The following TRIO variants were observed in gnomAD, a reference collection of about 807,000 sequenced individuals.
TRIO encodes trio Rho guanine nucleotide exchange factor.
A neutral mutation model predicts 351.9 loss-of-function variants in TRIO; 58 were observed. The ratio of observed to expected loss-of-function variants is 0.16; its 90% CI spans 0.13 to 0.21. The LOEUF is 0.21. Among genes scored for constraint, TRIO ranks in the 10% least tolerant of loss-of-function variants. The pLI, the probability that TRIO is intolerant of heterozygous loss-of-function variation, is 1.00. For synonymous variants in TRIO, 1,758 were observed against 1,595.7 expected, an observed-to-expected ratio of 1.10 and a Z score of -2.42; for missense variants, 3,201 against 4,027.8, an observed-to-expected ratio of 0.79 and a Z score of 5.56.
Position 14,160,467 on chromosome 5 carries a change from T to C in TRIO, c.157+16585T>C, listed in dbSNP as rs557475363. On this transcript the variant is annotated intron_variant, in intron 1 of 56. Transcript: ENST00000344204. ...TGAGCTGTTTATCCCTTGAGTAACGTCAACATGCCAGGTGCCATACAGCTG... is the reference window on the plus strand; with the variant it reads ...TGAGCTGTTTATCCCTTGAGTAACGCCAACATGCCAGGTGCCATACAGCTG... 2.6e-5 allele frequency among the ~76,000 whole-genome samples: 4 copies of C among 152,340 alleles called. No homozygotes were observed. In the South Asian group the frequency reaches 8.3e-4, roughly 32 times the overall value.
intron 1 of TRIO, among the ~76,000 whole-genome samples, chr5:14,144,907 C>T (rs905418515): frequency 7.1e-6 from 1 of 140,336 alleles, no homozygotes; most frequent in Non-Finnish European, 1.5e-5. Context: ...GAGGAGGAGG[C>T]GGCGGCGGCG....
At chr5:14,249,398 G>A (rs1049027521) in intron 1 of TRIO, among the ~76,000 whole-genome samples, 2 of 152,180 alleles carry the variant, frequency 1.3e-5, no homozygotes, top group African/African-American at 4.8e-5. Flanking sequence ...GTGGAGTGGG[G>A]GAGGGAGGGA....
chr5:14,485,616 C>T (rs1230964187), intron 47 of TRIO, among the ~76,000 whole-genome samples: 1 of 152,078 alleles, frequency 6.6e-6, no homozygotes, highest in East Asian at 1.9e-4. Flanking sequence ...GAGGAGTTTG[C>T]GAGAACACGA....
Position 14,351,964 on chromosome 5 carries a change from A to G in TRIO, c.2047-6214A>G, listed in dbSNP as rs143183570. ...TGTGGCGGGGTCTCCCTTTCCAGGT[A>G]GTGAGGAGGGGCCTTTTCATCTCAA... is the stretch of plus-strand genomic sequence containing the variant. On this transcript the variant is annotated intron_variant, in intron 11 of 56. Transcript: ENST00000344204. Among the ~76,000 whole-genome samples, 24 of 152,286 alleles carry G rather than the reference A, an allele frequency of 1.6e-4. No homozygotes were observed. In the East Asian group the frequency reaches 4.6e-3, roughly 29 times the overall value.
At chr5:14,502,236 A>G (rs79113516) in intron 53 of TRIO, among the ~76,000 whole-genome samples, 1,865 of 152,314 alleles carry the variant, frequency 0.012, 35 homozygotes, top group South Asian at 0.037. Context: ...GAGGCCACAT[A>G]TGCAAGTTTA....
intron 11 of TRIO, among the ~76,000 whole-genome samples, chr5:14,339,739 T>C (rs1741767674): frequency 6.6e-6 from 1 of 152,186 alleles, no homozygotes; most frequent in African/African-American, 2.4e-5. Context: ...GATTTGTCTT[T>C]CCCTGACCAG....
At chr5:14,222,276 T>G (rs554214682) in intron 1 of TRIO, among the ~76,000 whole-genome samples, 1 of 152,258 alleles carries the variant, frequency 6.6e-6, no homozygotes, top group East Asian at 1.9e-4. Flanking sequence ...AACATAATTT[T>G]TATATGCACT....
At chr5:14,314,575 G>A (rs1048602691) in intron 8 of TRIO, among the ~76,000 whole-genome samples, 1 of 152,182 alleles carries the variant, frequency 6.6e-6, no homozygotes, top group Non-Finnish European at 1.5e-5. Flanking sequence ...TTTGTGGGAA[G>A]ATCAGTATGT....
At chr5:14,300,396 A>G (rs1406679190) in intron 7 of TRIO, among the ~76,000 whole-genome samples, 1 of 152,250 alleles carries the variant, frequency 6.6e-6, no homozygotes, top group Non-Finnish European at 1.5e-5. Flanking sequence ...AAATAGAATT[A>G]AATTAAAATG....
chr5:14,409,732 G>C (rs1157578408), intron 33 of TRIO, among the ~76,000 whole-genome samples: 1 of 151,758 alleles, frequency 6.6e-6, no homozygotes, highest in Non-Finnish European at 1.5e-5. Flanking sequence ...CTACTCGGGA[G>C]GCTGAGGCAG....
rs145113903 is a variant in TRIO at position 14,218,764 on chromosome 5, C to T, written c.158-52061C>T. Among the ~76,000 whole-genome samples, 3 of 152,356 alleles carry T rather than the reference C, an allele frequency of 2.0e-5. No homozygotes were observed. In the East Asian group the frequency reaches 5.8e-4, roughly 29 times the overall value. ...CCCGGCTGCTGTGGGGGTTCCGCGG[C>T]CACTGCCCTCCTGCATTAGATGGGG... On this transcript the variant is annotated intron_variant, in intron 1 of 56. Transcript: ENST00000344204.
Position 14,410,475 on chromosome 5 carries a change from C to A in TRIO, c.4959+3803C>A, listed in dbSNP as rs76886768. Among the ~76,000 whole-genome samples the A allele has an allele frequency of 2.6e-3, 398 of 152,304 alleles. 1 individual carries two copies. Among genetic ancestry groups the A allele is most frequent in the African/African-American group, 9.2e-3 (381 of 41,566 alleles). On this transcript the variant is annotated intron_variant, in intron 33 of 56. Transcript: ENST00000344204. Reference sequence around the variant, plus strand: ...TAACCAGCAACCCCATCTCCGGTGACGGTAATTTTCCTGAGTCTCGAAGTT... The same window carrying A: ...TAACCAGCAACCCCATCTCCGGTGAAGGTAATTTTCCTGAGTCTCGAAGTT...
Position 14,376,115 on chromosome 5 carries a change from G to C in TRIO, c.3331+1772G>C, listed in dbSNP as rs538500196. Reference sequence around the variant, plus strand: ...TTTGGAGGTAGTATTGAGAGAGTCTGTTGTTAGGCTGGATGTAAATGCTGC... The same window carrying C: ...TTTGGAGGTAGTATTGAGAGAGTCTCTTGTTAGGCTGGATGTAAATGCTGC... On this transcript the variant is annotated intron_variant, in intron 19 of 56. Transcript: ENST00000344204. 7.2e-5 allele frequency among the ~76,000 whole-genome samples: 11 copies of C among 152,290 alleles called. No homozygotes were observed. The East Asian group carries it at 2.1e-3, about 29-fold the overall frequency.
At chr5:14,437,696 C>T (rs777724129) in intron 34 of TRIO, among the ~76,000 whole-genome samples, 14 of 92,848 alleles carry the variant, frequency 1.5e-4, no homozygotes, top group Admixed American at 1.3e-3. Context: ...ACCCCCCCCG[C>T]CCCAAGGACC....
At chr5:14,323,678 C>T (rs116289262) in intron 9 of TRIO, among the ~76,000 whole-genome samples, 1,583 of 152,348 alleles carry the variant, frequency 0.01, 27 homozygotes, top group African/African-American at 0.036. Flanking sequence ...TCTGGGGTCT[C>T]CCTGAGCTTG....
intron 9 of TRIO, among the ~76,000 whole-genome samples, chr5:14,326,642 T>A (rs1043222375): frequency 6.6e-6 from 1 of 152,200 alleles, no homozygotes; most frequent in Non-Finnish European, 1.5e-5. Flanking sequence ...AGGCCAGCCT[T>A]ATTGTCTGTG....
intron 34 of TRIO, among the ~76,000 whole-genome samples, chr5:14,454,762 G>A (rs1040799973): frequency 5.3e-5 from 8 of 152,224 alleles, no homozygotes; most frequent in Admixed American, 1.3e-4. Flanking sequence ...TGTTGTGTCC[G>A]AAATTGTTGG....
intron 48 of TRIO, among the ~76,000 whole-genome samples, chr5:14,489,346 G>A (rs1334343965): frequency 6.6e-6 from 1 of 152,238 alleles, no homozygotes; most frequent in East Asian, 1.9e-4. Flanking sequence ...AAGTGGCCGG[G>A]TAGGCATCCG....
At chr5:14,484,752 G>A (rs992167750) in intron 46 of TRIO, among the ~76,000 whole-genome samples, 1 of 152,098 alleles carries the variant, frequency 6.6e-6, no homozygotes, top group Admixed American at 6.6e-5. Context: ...CCATTAAACA[G>A]TAACTCCCCA....
Sources: allele counts gnomAD v4.1 joint callset (sites outside exome capture counted in the v4.1 genomes callset), GRCh38; gene constraint gnomAD v4.1.1; transcripts MANE v1.5; gene names NCBI Gene and HGNC (gene_info 2026-07-23, HGNC 2026-07-21).